The following MED12L variants were observed in gnomAD, a reference collection of about 807,000 sequenced individuals.
MED12L encodes mediator complex subunit 12L, also known as mediator of RNA polymerase II transcription subunit 12-like protein.
MED12L carries 60 observed loss-of-function variants against 281.3 expected under a neutral mutation model. The ratio of observed to expected loss-of-function variants is 0.21; its 90% CI spans 0.17 to 0.26. MED12L has a LOEUF of 0.26. Among genes scored for constraint, MED12L ranks in the 10% least tolerant of loss-of-function variants. The pLI, the probability that MED12L is intolerant of heterozygous loss-of-function variation, is 1.00. For synonymous variants in MED12L, 974 were observed against 987.2 expected, an observed-to-expected ratio of 0.99 and a Z score of 0.25; for missense variants, 2,146 against 2,680.9, an observed-to-expected ratio of 0.80 and a Z score of 4.41.
At chr3:151,090,941 T>A (rs1356726865) in intron 2 of MED12L, among the ~76,000 whole-genome samples, 1 of 152,138 alleles carries the variant, frequency 6.6e-6, no homozygotes, top group African/African-American at 2.4e-5. Context: ...CTTGGGAGGC[T>A]GAGGCAGGAG....
intron 16 of MED12L, chr3:151,199,029 A>G: frequency 1.2e-6 from 2 of 1,614,196 alleles, no homozygotes; most frequent in Non-Finnish European, 8.5e-7. Context: ...TAGATCTTGC[A>G]GCTGTGTGTC....
In MED12L at chr3:151,205,401, A is replaced by G. The variant is rs1726206496; in HGVS notation, c.2250+11735A>G. On this transcript the variant is annotated intron_variant, in intron 16 of 44. Coordinates refer to ENST00000687756, the MANE Select transcript of MED12L (RefSeq NM_001393769.1). The stretch of plus-strand genomic sequence containing the variant: ...CAAGTTATGAATTGAGAAAGAAAAT[A>G]TTTTCTGTGGTCAACTCTCCTATCC... 3.3e-5 allele frequency among the ~76,000 whole-genome samples: 5 copies of G among 152,180 alleles called. No homozygotes were observed. The South Asian group carries it at 1.0e-3, about 32-fold the overall frequency.
At chr3:151,113,623 A>G (rs1303673169) in intron 2 of MED12L, among the ~76,000 whole-genome samples, 6 of 152,364 alleles carry the variant, frequency 3.9e-5, no homozygotes, top group Admixed American at 1.3e-4. Flanking sequence ...CAAATTCTAC[A>G]TGTATTTTTG....
intron 11 of MED12L, among the ~76,000 whole-genome samples, chr3:151,174,371 C>T (rs568243375): frequency 6.6e-6 from 1 of 152,198 alleles, no homozygotes; most frequent in Admixed American, 6.5e-5. Flanking sequence ...ATTACTTAAA[C>T]GTTGACTGAA....
intron 16 of MED12L, among the ~76,000 whole-genome samples, chr3:151,324,334 T>G (rs1284588844): frequency 1.3e-5 from 2 of 152,134 alleles, no homozygotes; most frequent in Admixed American, 6.6e-5. Context: ...GGTCAGGGCT[T>G]ATTACCTGGC....
intron 16 of MED12L, among the ~76,000 whole-genome samples, chr3:151,306,879 A>G (rs1335634111): frequency 2.0e-5 from 3 of 152,216 alleles, no homozygotes; most frequent in Non-Finnish European, 2.9e-5. Flanking sequence ...TGGTTCTCAA[A>G]TGACAGAGTT....
rs1173821712 is a variant in MED12L, at chr3:151,435,959, A to G, written c.*3155A>G. Reference sequence around the variant, plus strand: ...AACAGCTCCAAACCAGGGGTGCCTGAGCTAGATTTTAAAGTTATAAAGAAG... The same window carrying G: ...AACAGCTCCAAACCAGGGGTGCCTGGGCTAGATTTTAAAGTTATAAAGAAG... On this transcript the variant is annotated 3_prime_UTR_variant, in exon 45 of 45. Coordinates refer to ENST00000687756, the MANE Select transcript of MED12L (RefSeq NM_001393769.1). 7 of 152,192 alleles carry G rather than the reference A, an allele frequency of 4.6e-5. No individual in the cohort carries two copies. Among genetic ancestry groups the G allele is most frequent in the Admixed American group, 1.3e-4 (2 of 15,280 alleles). 9.4% of individuals were successfully genotyped at this position (152,192 alleles called of 1,614,324 possible).
intron 39 of MED12L, among the ~76,000 whole-genome samples, chr3:151,401,101 C>T (rs1021094415): frequency 4.6e-5 from 7 of 152,102 alleles, no homozygotes; most frequent in African/African-American, 9.7e-5. Flanking sequence ...TGAAATGTTA[C>T]GTAAATGTTC....
At chr3:151,150,412 C>T (rs1447103229) in intron 5 of MED12L, among the ~76,000 whole-genome samples, 1 of 152,044 alleles carries the variant, frequency 6.6e-6, no homozygotes, top group Non-Finnish European at 1.5e-5. Context: ...TTCTGTAAGC[C>T]GTGCTGTAAA....
chr3:151,144,507 A>G lies in MED12L; in HGVS notation c.557-11654A>G, dbSNP rs550661897. Among the ~76,000 whole-genome samples, 6 of 152,002 alleles carry G rather than the reference A, an allele frequency of 3.9e-5. No homozygotes were observed. In the East Asian group the frequency reaches 9.7e-4, roughly 24 times the overall value. On this transcript the variant is annotated intron_variant, in intron 5 of 44. Coordinates refer to ENST00000687756, the MANE Select transcript of MED12L (RefSeq NM_001393769.1). ...CCTCCCTTGTCGACCCCTCTCCCCT[A>G]TTTTTGTATCCTTGTCAGAGGCCTC...
At chr3:151,335,815 A>G (rs371051288) in intron 16 of MED12L, among the ~76,000 whole-genome samples, 15 of 152,356 alleles carry the variant, frequency 9.8e-5, no homozygotes, top group African/African-American at 3.6e-4. Flanking sequence ...TTAGAGTTTT[A>G]TGTAAAATTT....
At chr3:151,360,726 T>A in intron 21 of MED12L, 121 bp downstream of exon 21, 1 of 838,128 alleles carries the variant, frequency 1.2e-6, no homozygotes. Flanking sequence ...TATTAGGCAG[T>A]AATTTTGATA....
At chr3:151,253,400 T>A (rs1210280562) in intron 16 of MED12L, among the ~76,000 whole-genome samples, 1 of 152,216 alleles carries the variant, frequency 6.6e-6, no homozygotes, top group Admixed American at 6.5e-5. Flanking sequence ...TAATATGGCT[T>A]AGATCATGTT....
chr3:151,165,461 A>G lies in MED12L; in HGVS notation c.1299A>G (p.Gln433=). The change falls in exon 10 of 45, where the codon CAA becomes CAG. Residue 433 remains glutamine, a synonymous_variant. Coordinates refer to ENST00000687756, the MANE Select transcript of MED12L (RefSeq NM_001393769.1). ...RIYEVEQQIK[Q]RGRAVEVRWS... is the part of the protein sequence containing the mutation. Reference sequence around the variant, plus strand: ...ATGAAGTAGAACAACAGATAAAACAAAGAGGCCGTGCAGTGGAAGTTCGGT... The same window carrying G: ...ATGAAGTAGAACAACAGATAAAACAGAGAGGCCGTGCAGTGGAAGTTCGGT... The G allele has an allele frequency of 1.2e-6, 2 of 1,614,114 alleles. No individual in the cohort carries two copies. Among genetic ancestry groups the G allele is most frequent in the Non-Finnish European group, 1.7e-6 (2 of 1,179,954 alleles).
Position 151,406,351 on chromosome 3 carries a change from A to G in MED12L, c.5821-2892A>G, listed in dbSNP as rs567244609. Reference sequence around the variant, plus strand: ...TTGAACTGTTTCTACAAATTGAAATAATGTGTTCCTGACATTATTCTTGGA... The same window carrying G: ...TTGAACTGTTTCTACAAATTGAAATGATGTGTTCCTGACATTATTCTTGGA... On this transcript the variant is annotated intron_variant, in intron 39 of 44. Transcript: ENST00000687756. 2.0e-5 allele frequency among the ~76,000 whole-genome samples: 3 copies of G among 152,370 alleles called. No homozygotes were observed. In the South Asian group the frequency reaches 6.2e-4, roughly 32 times the overall value.
intron 11 of MED12L, among the ~76,000 whole-genome samples, chr3:151,169,758 T>C (rs1042767241): frequency 5.3e-5 from 8 of 152,236 alleles, no homozygotes; most frequent in African/African-American, 1.9e-4. Context: ...TGGTCTCACT[T>C]CTTTAAAATA....
chr3:151,170,148 C>T (rs185111503), intron 11 of MED12L, among the ~76,000 whole-genome samples: 1 of 152,290 alleles, frequency 6.6e-6, no homozygotes, highest in East Asian at 1.9e-4. Flanking sequence ...TGGGCCCTGC[C>T]TTGTGGTTGG....
At chr3:151,298,701 G>A (rs538597149) in intron 16 of MED12L, among the ~76,000 whole-genome samples, 1 of 152,302 alleles carries the variant, frequency 6.6e-6, no homozygotes, top group East Asian at 1.9e-4. Context: ...TTGCCGGGGG[G>A]AATAGGTTTG....
chr3:151,368,410 G>T (rs1418755410), intron 25 of MED12L, among the ~76,000 whole-genome samples, 159 bp downstream of exon 25: 2 of 152,112 alleles, frequency 1.3e-5, no homozygotes, highest in African/African-American at 4.8e-5. Flanking sequence ...TGAGAGGGCT[G>T]TCAGCACCTT....
Sources: allele counts gnomAD v4.1 joint callset (sites outside exome capture counted in the v4.1 genomes callset), GRCh38; gene constraint gnomAD v4.1.1; transcripts MANE v1.5; gene names NCBI Gene and HGNC (gene_info 2026-07-23, HGNC 2026-07-21).